MYO6: variants seen among roughly 807,000 people sequenced by gnomAD.
The protein encoded by MYO6 is myosin VI.
MYO6 carries 74 observed loss-of-function variants against 178.7 expected under a neutral mutation model. That is an observed-to-expected ratio of 0.41 (90% CI 0.34 to 0.50). The LOEUF is 0.50. MYO6 is among the 20% of genes least tolerant of loss of function. MYO6 has a pLI of 0.09. For synonymous variants in MYO6, 477 were observed against 504.6 expected (o/e 0.95, Z 0.73); for missense variants, 1,330 against 1,547.4 (o/e 0.86, Z 2.36).
At chr6:75,859,764 A>T (rs1418565889) in intron 14 of MYO6, among the ~76,000 whole-genome samples, 1 of 149,980 alleles carries the variant, frequency 6.7e-6, no homozygotes, top group Non-Finnish European at 1.5e-5. Flanking sequence ...GGTTCAAGCG[A>T]TTCTCCTGCC....
intron 1 of MYO6, among the ~76,000 whole-genome samples, chr6:75,816,456 C>T (rs1180268989): frequency 6.6e-6 from 1 of 152,238 alleles, no homozygotes; most frequent in African/African-American, 2.4e-5. Flanking sequence ...GTCCTCCTGC[C>T]TCGGCCTCTC....
chr6:75,893,844 T>G (rs1272263471), intron 28 of MYO6, among the ~76,000 whole-genome samples: 1 of 152,200 alleles, frequency 6.6e-6, no homozygotes, highest in Admixed American at 6.5e-5. Flanking sequence ...TTTATTAAGA[T>G]TTCACTGTAA....
intron 3 of MYO6, among the ~76,000 whole-genome samples, chr6:75,826,034 G>A (rs1772432971): frequency 6.6e-6 from 1 of 152,150 alleles, no homozygotes; most frequent in South Asian, 2.1e-4. Context: ...CATGTAAATA[G>A]CCAAGCCAAG....
chr6:75,911,201 TGGCA>T (rs1780731152), intron 32 of MYO6, among the ~76,000 whole-genome samples: 1 of 152,020 alleles, frequency 6.6e-6, no homozygotes, highest in Non-Finnish European at 1.5e-5. Flanking sequence ...AAAATAAAAA[TGGCA>T]TGAGTTTAAG....
At chr6:75,841,407 A>T in intron 9 of MYO6, 29 bp downstream of exon 9, 1 of 1,603,958 alleles carries the variant, frequency 6.2e-7, no homozygotes, top group Non-Finnish European at 8.5e-7. Flanking sequence ...AATTTCATAT[A>T]GCCAGGTGCA....
chr6:75,803,590 G>A (rs1379249255), intron 1 of MYO6, among the ~76,000 whole-genome samples: 2 of 151,974 alleles, frequency 1.3e-5, no homozygotes, highest in African/African-American at 4.8e-5. Flanking sequence ...GTACTTAGCA[G>A]GTGCTCAGTA....
intron 1 of MYO6, among the ~76,000 whole-genome samples, chr6:75,759,868 A>G (rs1777798953): frequency 6.6e-6 from 1 of 152,216 alleles, no homozygotes; most frequent in African/African-American, 2.4e-5. Context: ...AACATAATCT[A>G]GGTCTGTTAA....
chr6:75,904,439 T>TTTATTCTTG (rs1780098324), intron 30 of MYO6, among the ~76,000 whole-genome samples: 1 of 151,836 alleles, frequency 6.6e-6, no homozygotes, highest in Non-Finnish European at 1.5e-5. Context: ...TTTTATTCTT[T>TTTATTCTTG]TTTCTCTAAA....
At chr6:75,842,608 A>G (rs1774343746) in intron 9 of MYO6, among the ~76,000 whole-genome samples, 1 of 152,232 alleles carries the variant, frequency 6.6e-6, no homozygotes, top group Non-Finnish European at 1.5e-5. Context: ...TAAAATGTCC[A>G]GTCTTTTCTA....
chr6:75,916,832 A>G lies in MYO6; in HGVS notation c.*1820A>G, dbSNP rs967391660. 1.3e-5 allele frequency: 2 copies of G among 152,188 alleles called. No individual in the cohort carries two copies. Among genetic ancestry groups the G allele is most frequent in the Non-Finnish European group, 2.9e-5 (2 of 68,030 alleles). The allele number at this position is 152,188 out of a possible 1,614,324, so 9.4% of individuals were successfully genotyped here. A position where few individuals can be genotyped will look rare whatever the true frequency, so the allele number is the denominator to read the frequency against. On this transcript the variant is annotated 3_prime_UTR_variant, in exon 35 of 35. Coordinates refer to ENST00000369977, the MANE Select transcript of MYO6 (RefSeq NM_004999.4). ...TAAACATATTTAAATGAGAGAATCTAATGTTTCAGAAATTTGTAAGAAATG... is the reference window on the plus strand; with the variant it reads ...TAAACATATTTAAATGAGAGAATCTGATGTTTCAGAAATTTGTAAGAAATG...
At position 75,880,132 on chromosome 6, in the gene MYO6, T is replaced by C; in HGVS notation, c.2286+12T>C. 6.4e-7 allele frequency: 1 copy of C among 1,571,464 alleles called. No individual in the cohort carries two copies. Among genetic ancestry groups the C allele is most frequent in the Non-Finnish European group, 8.7e-7 (1 of 1,144,962 alleles). On this transcript the variant is annotated intron_variant, in intron 22 of 34. Transcript: ENST00000369977. ...TTAGACCTGGCAAGGTAAATATACA[T>C]TTTTTACTTTAAACTGTAACATCAT...
At chr6:75,822,948 G>A in intron 3 of MYO6, 97 bp downstream of exon 3, 2 of 939,674 alleles carry the variant, frequency 2.1e-6, no homozygotes, top group Non-Finnish European at 3.4e-6. Flanking sequence ...CACTGTGCGG[G>A]TTCAGAAACA....
intron 1 of MYO6, among the ~76,000 whole-genome samples, chr6:75,800,953 T>G (rs1583122513): frequency 6.6e-6 from 1 of 152,192 alleles, no homozygotes; most frequent in East Asian, 1.9e-4. Context: ...ACTCCTGAGC[T>G]CAAGTTATCC....
rs542973736 is a variant in MYO6, at chr6:75,763,080, G to A, written c.-48+13657G>A. On this transcript the variant is annotated intron_variant, in intron 1 of 34. Transcript: ENST00000369977. Reference sequence around the variant, plus strand: ...CTCACTCTGTTGCCCAGGCTGGAGTGCAGTGGCATGATCTCGGCTCACTGC... The same window carrying A: ...CTCACTCTGTTGCCCAGGCTGGAGTACAGTGGCATGATCTCGGCTCACTGC... Among the ~76,000 whole-genome samples the A allele has an allele frequency of 4.0e-5, 6 of 149,298 alleles. No homozygotes were observed. In the East Asian group the frequency reaches 1.0e-3, roughly 25 times the overall value.
chr6:75,881,640 C>A, intron 22 of MYO6, 49 bp from the exon 23 acceptor site: 2 of 1,569,816 alleles, frequency 1.3e-6, no homozygotes, highest in South Asian at 2.2e-5. Context: ...TTTATGTGTT[C>A]AAATGCATTT....
At chr6:75,907,175 G>A (rs1046271389) in intron 30 of MYO6, among the ~76,000 whole-genome samples, 3 of 152,150 alleles carry the variant, frequency 2.0e-5, no homozygotes, top group Non-Finnish European at 4.4e-5. Context: ...CCAGGTGATC[G>A]CACTGTGCAG....
At chr6:75,789,109 G>A (rs1767971350) in intron 1 of MYO6, among the ~76,000 whole-genome samples, 1 of 152,076 alleles carries the variant, frequency 6.6e-6, no homozygotes, top group Non-Finnish European at 1.5e-5. Flanking sequence ...CTAGTTTCAG[G>A]TTACCAACCT....
chr6:75,799,786 A>T (rs1206349257), intron 1 of MYO6, among the ~76,000 whole-genome samples: 3 of 152,164 alleles, frequency 2.0e-5, no homozygotes, highest in Non-Finnish European at 4.4e-5. Flanking sequence ...AGGAGAGGGT[A>T]GGTGTAGACT....
intron 3 of MYO6, among the ~76,000 whole-genome samples, chr6:75,823,176 T>C (rs1258447266): frequency 3.9e-5 from 6 of 152,206 alleles, no homozygotes; most frequent in Non-Finnish European, 8.8e-5. Context: ...AGGTGGTTTT[T>C]ATTGTAGTAT....
Sources: allele counts gnomAD v4.1 joint callset (sites outside exome capture counted in the v4.1 genomes callset), GRCh38; gene constraint gnomAD v4.1.1; transcripts MANE v1.5; gene names NCBI Gene and HGNC (gene_info 2026-07-23, HGNC 2026-07-21).